The following ASCC1 variants were observed in gnomAD, a reference collection of about 807,000 sequenced individuals.
ASCC1 encodes the protein ASC-1 complex subunit P50.
ASCC1 carries 35 observed loss-of-function variants against 46.6 expected under a neutral mutation model. The observed-to-expected ratio is 0.75, with a 90% CI of 0.57 to 0.99. The LOEUF is 0.99. ASCC1 is among the 50% of genes least tolerant of loss of function. The pLI is 0.00. For synonymous variants in ASCC1, 143 were observed against 146.6 expected (o/e 0.98, Z 0.18); for missense variants, 376 against 428.7 (o/e 0.88, Z 1.09).
intron 3 of ASCC1, among the ~76,000 whole-genome samples, chr10:72,205,630 CAAAAAA>C (rs35572254): frequency 8.6e-6 from 1 of 116,872 alleles, no homozygotes. Flanking sequence ...AACTCCATCT[CAAAAAA>C]AAAAAAAAAA....
At chr10:72,128,489 C>T (rs1845160404) in intron 8 of ASCC1, among the ~76,000 whole-genome samples, 1 of 152,154 alleles carries the variant, frequency 6.6e-6, no homozygotes, top group South Asian at 2.1e-4. Flanking sequence ...TCCTCATTGA[C>T]AAAGTGAGAG....
chr10:72,105,555 A>G (rs1842255601), intron 9 of ASCC1, among the ~76,000 whole-genome samples: 1 of 152,224 alleles, frequency 6.6e-6, no homozygotes, highest in African/African-American at 2.4e-5. Context: ...AAAGAGAGAA[A>G]TGTAGACCTT....
intron 9 of ASCC1, among the ~76,000 whole-genome samples, chr10:72,127,426 A>G (rs1364468992): frequency 1.3e-5 from 2 of 152,210 alleles, no homozygotes; most frequent in African/African-American, 2.4e-5. Context: ...CAAAGCTTCA[A>G]TGGTCAAAAA....
In ASCC1 at chr10:72,172,791, T is replaced by TTAC; in HGVS notation, c.490-11118_490-11117insGTA. On this transcript the variant is annotated intron_variant, in intron 5 of 9. Coordinates refer to ENST00000672957, the MANE Select transcript of ASCC1 (RefSeq NM_001198800.3). ...ATATTATATTTTTTATATTATATAT[T>TTAC]ATATATTATATTTTTATATTATATA... is the stretch of plus-strand genomic sequence containing the variant. Among the ~76,000 whole-genome samples the TTAC allele has an allele frequency of 2.2e-5, 3 of 135,890 alleles. No homozygotes were observed. In the South Asian group the frequency reaches 6.4e-4, roughly 29 times the overall value. The allele number at this position is 135,890 out of a possible 152,430, so 89.1% of individuals were successfully genotyped here.
intron 8 of ASCC1, among the ~76,000 whole-genome samples, chr10:72,129,149 G>A (rs1162722554): frequency 6.6e-6 from 1 of 152,158 alleles, no homozygotes; most frequent in Non-Finnish European, 1.5e-5. Context: ...GGGTAACTAT[G>A]GAACTATGTC....
chr10:72,208,577 T>C (rs1857561819), intron 3 of ASCC1, among the ~76,000 whole-genome samples: 1 of 152,146 alleles, frequency 6.6e-6, no homozygotes, highest in South Asian at 2.1e-4. Context: ...CTGGCCAACA[T>C]GGTAAAACCC....
chr10:72,199,277 T>TCACACC (rs1245068984), intron 4 of ASCC1, among the ~76,000 whole-genome samples: 1 of 121,410 alleles, frequency 8.2e-6, no homozygotes, highest in Non-Finnish European at 1.7e-5. Context: ...GTGTATGCCA[T>TCACACC]CACACCCAGC....
intron 7 of ASCC1, among the ~76,000 whole-genome samples, chr10:72,138,072 C>T (rs1846482395): frequency 6.6e-6 from 1 of 152,120 alleles, no homozygotes. Flanking sequence ...GCCATGTTGC[C>T]CAGGCTGGTC....
At chr10:72,207,307 G>C (rs1191148432) in intron 3 of ASCC1, among the ~76,000 whole-genome samples, 2 of 152,114 alleles carry the variant, frequency 1.3e-5, no homozygotes, top group East Asian at 3.9e-4. Context: ...CCAGCTACTC[G>C]GGAGGCCGAA....
Position 72,203,519 on chromosome 10 carries a change from A to G in ASCC1, c.218T>C (p.Ile73Thr), listed in dbSNP as rs1472102035. The change falls in exon 4 of 10, where the codon ATA (isoleucine) becomes ACA (threonine). Residue 73 changes from isoleucine to threonine, a missense_variant. Transcript: ENST00000672957. ...LRAPSLLYKH[I>T]VGKRGDTRKK... Reference sequence around the variant, plus strand: ...CCTAGTGTCCCCTCTCTTTCCAACTATATGCCTGTAACATAAAGTAATTAA... The same window carrying G: ...CCTAGTGTCCCCTCTCTTTCCAACTGTATGCCTGTAACATAAAGTAATTAA... 6.3e-7 allele frequency: 1 copy of G among 1,597,444 alleles called. No individual in the cohort carries two copies. The highest frequency in any genetic ancestry group is 1.1e-5 in the South Asian group (1 of 90,778).
Position 72,122,836 on chromosome 10 carries a change from T to C in ASCC1, c.957+5246A>G, listed in dbSNP as rs143934387. 4.6e-3 allele frequency among the ~76,000 whole-genome samples: 693 copies of C among 152,218 alleles called. 15 individuals are homozygous for C. Among genetic ancestry groups the C allele is most frequent in the East Asian group, 0.021 (111 of 5,176 alleles). ...GAAACTTCAAGAGAGATTTAAAATATTTTAAGGTAAATGAAAATGAAGATA... is the reference window on the plus strand; with the variant it reads ...GAAACTTCAAGAGAGATTTAAAATACTTTAAGGTAAATGAAAATGAAGATA... On this transcript the variant is annotated intron_variant, in intron 9 of 9. Coordinates refer to ENST00000672957, the MANE Select transcript of ASCC1 (RefSeq NM_001198800.3).
chr10:72,168,190 C>CAAAT (rs562565088), intron 5 of ASCC1, among the ~76,000 whole-genome samples: 81 of 151,578 alleles, frequency 5.3e-4, no homozygotes, highest in East Asian at 4.8e-3. Flanking sequence ...GACTCCATCT[C>CAAAT]AAATAAATAA....
chr10:72,200,811 TC>T (rs1347829039), intron 4 of ASCC1, among the ~76,000 whole-genome samples: 3 of 152,170 alleles, frequency 2.0e-5, no homozygotes, highest in Admixed American at 1.3e-4. Flanking sequence ...TAAAAGTCCT[TC>T]CAAATGCTGT....
intron 5 of ASCC1, among the ~76,000 whole-genome samples, chr10:72,167,272 A>G (rs1264664611): frequency 6.6e-6 from 1 of 152,378 alleles, no homozygotes; most frequent in East Asian, 1.9e-4. Flanking sequence ...CTATTCGGAA[A>G]TCAAAAGTAA....
At chr10:72,186,276 T>C (rs1268840483) in intron 5 of ASCC1, among the ~76,000 whole-genome samples, 1 of 152,008 alleles carries the variant, frequency 6.6e-6, no homozygotes, top group Non-Finnish European at 1.5e-5. Flanking sequence ...TGCCCACCAC[T>C]GCACCTGGAG....
At chr10:72,170,725 G>A (rs189228824) in intron 5 of ASCC1, among the ~76,000 whole-genome samples, 15 of 152,066 alleles carry the variant, frequency 9.9e-5, no homozygotes, top group African/African-American at 3.4e-4. Flanking sequence ...AACTAGAGAG[G>A]GAAAAAATGC....
chr10:72,163,615 ATC>A (rs994180696), intron 5 of ASCC1, among the ~76,000 whole-genome samples: 1 of 151,912 alleles, frequency 6.6e-6, no homozygotes, highest in African/African-American at 2.4e-5. Context: ...TGTGCCTGTA[ATC>A]CCAGCTACTA....
intron 5 of ASCC1, among the ~76,000 whole-genome samples, 176 bp downstream of exon 5, chr10:72,196,635 A>C (rs1370192228): frequency 6.6e-6 from 1 of 152,122 alleles, no homozygotes; most frequent in East Asian, 1.9e-4. Flanking sequence ...GAAACTTATG[A>C]GCTGATATGT....
intron 5 of ASCC1, among the ~76,000 whole-genome samples, chr10:72,163,048 G>A (rs1024297079): frequency 6.6e-6 from 1 of 152,022 alleles, no homozygotes; most frequent in Admixed American, 6.6e-5. Flanking sequence ...TAGTCACTTA[G>A]GGAAATGCAA....
Sources: gnomAD v4.1 joint callset for allele counts (sites outside exome capture counted in the v4.1 genomes callset) on GRCh38, gnomAD v4.1.1 for gene constraint, MANE v1.5 for transcripts, NCBI Gene and HGNC (gene_info 2026-07-23, HGNC 2026-07-21) for gene names.